The following ATXN1 variants were observed in gnomAD, a reference collection of about 807,000 sequenced individuals.
The protein encoded by ATXN1 is ataxin-1.
ATXN1 carries 8 observed loss-of-function variants against 56.4 expected under a neutral mutation model. The observed-to-expected ratio is 0.14, with a 90% CI of 0.08 to 0.26. ATXN1 has a LOEUF of 0.26. ATXN1 is among the 10% of genes least tolerant of loss of function. The probability of loss-of-function intolerance (pLI) is 1.00; values close to 1 mark genes in which losing one functional copy is unlikely to be tolerated. For synonymous variants in ATXN1, 514 were observed against 494.6 expected, an observed-to-expected ratio of 1.04 and a Z score of -0.52; for missense variants, 987 against 1,106.5, an observed-to-expected ratio of 0.89 and a Z score of 1.53.
chr6:16,590,045 G>A (rs1247831816), intron 3 of ATXN1, among the ~76,000 whole-genome samples: 3 of 152,094 alleles, frequency 2.0e-5, no homozygotes, highest in Non-Finnish European at 2.9e-5. Flanking sequence ...TAAACATTGA[G>A]CTGACGTAAT....
intron 6 of ATXN1, chr6:16,485,183 C>G (rs896145114): frequency 6.6e-6 from 1 of 152,096 alleles, no homozygotes; most frequent in African/African-American, 2.4e-5. Flanking sequence ...TATTTTCTTT[C>G]CTGGTCAAAA....
chr6:16,315,437 T>C (rs1760486981), intron 7 of ATXN1, among the ~76,000 whole-genome samples: 1 of 152,190 alleles, frequency 6.6e-6, no homozygotes, highest in Non-Finnish European at 1.5e-5. Flanking sequence ...GGTCACCACA[T>C]GCAAGCCTGA....
At chr6:16,537,027 A>C (rs1220995700) in intron 4 of ATXN1, among the ~76,000 whole-genome samples, 2 of 149,424 alleles carry the variant, frequency 1.3e-5, no homozygotes, top group African/African-American at 5.0e-5. Flanking sequence ...ACTTGGCCTT[A>C]GGAAATGTAA....
chr6:16,739,026 G>A (rs1026464529), intron 2 of ATXN1: 12 of 151,922 alleles, frequency 7.9e-5, no homozygotes, highest in African/African-American at 2.9e-4. Flanking sequence ...CATTCCATGG[G>A]CTGAACTCCC....
At chr6:16,638,157 C>T (rs1417143147) in intron 3 of ATXN1, among the ~76,000 whole-genome samples, 1 of 151,904 alleles carries the variant, frequency 6.6e-6, no homozygotes, top group Admixed American at 6.6e-5. Flanking sequence ...AAGAAAAGAT[C>T]TCAAAGGCCA....
At chr6:16,437,973 G>A (rs1759428536) in intron 6 of ATXN1, among the ~76,000 whole-genome samples, 1 of 152,154 alleles carries the variant, frequency 6.6e-6, no homozygotes, top group Non-Finnish European at 1.5e-5. Context: ...ACTTCTGGTC[G>A]GGACTTCTTA....
intron 7 of ATXN1, among the ~76,000 whole-genome samples, chr6:16,325,106 T>C (rs1760771340): frequency 7.1e-6 from 1 of 141,320 alleles, no homozygotes; most frequent in South Asian, 2.2e-4. Flanking sequence ...CACTTAGGGC[T>C]GCCTTCCATC....
intron 3 of ATXN1, among the ~76,000 whole-genome samples, chr6:16,611,853 T>TA (rs1165973054): frequency 9.2e-5 from 10 of 108,140 alleles, no homozygotes; most frequent in Non-Finnish European, 1.8e-5. Context: ...GATGAAATTT[T>TA]TTTTTTTTTT....
At chr6:16,640,620 T>A (rs1763691302) in intron 3 of ATXN1, among the ~76,000 whole-genome samples, 1 of 151,644 alleles carries the variant, frequency 6.6e-6, no homozygotes, top group African/African-American at 2.4e-5. Context: ...GAGGCGGAGC[T>A]TGCAGTAAGC....
In ATXN1 at chr6:16,563,562, G is replaced by C. The variant is rs79814073; in HGVS notation, c.-361+22218C>G. Among the ~76,000 whole-genome samples, 275 of 152,258 alleles carry C rather than the reference G, an allele frequency of 1.8e-3. 1 individual carries two copies. Among genetic ancestry groups the C allele is most frequent in the African/African-American group, 6.4e-3 (265 of 41,552 alleles). ...GGAGACAACTGAGTTCTGAGGAAGA[G>C]AGGGAAAGCAAGGGGGTCAGGAGGC... On this transcript the variant is annotated intron_variant, in intron 4 of 7. Transcript: ENST00000436367.
chr6:16,373,057 C>T (rs908221597), intron 6 of ATXN1, among the ~76,000 whole-genome samples: 4 of 152,152 alleles, frequency 2.6e-5, no homozygotes, highest in Non-Finnish European at 5.9e-5. Flanking sequence ...GAACAAGAGG[C>T]CCAAGTGGAG....
At chr6:16,623,957 G>C (rs1763363255) in intron 3 of ATXN1, among the ~76,000 whole-genome samples, 1 of 152,226 alleles carries the variant, frequency 6.6e-6, no homozygotes, top group South Asian at 2.1e-4. Context: ...ATCTAGAGTA[G>C]ACATTGTCAT....
rs748314030 is a variant in ATXN1, at chr6:16,395,270, C to CAAAA, written c.-160-66804_-160-66801dup. The stretch of plus-strand genomic sequence containing the variant: ...GGCCAACAAGAGCGAAACTCCGTCT[C>CAAAA]AAAAAAAAAAAAAAAAAAAAACAAG... On this transcript the variant is annotated intron_variant, in intron 6 of 7. Coordinates refer to ENST00000436367, the MANE Select transcript of ATXN1 (RefSeq NM_001128164.2). Among the ~76,000 whole-genome samples the CAAAA allele has an allele frequency of 5.4e-3, 262 of 48,396 alleles. 10 individuals carry two copies. Among genetic ancestry groups the CAAAA allele is most frequent in the African/African-American group, 0.021 (237 of 11,034 alleles). 31.7% of individuals were successfully genotyped at this position (48,396 alleles called of 152,430 possible).
intron 7 of ATXN1, among the ~76,000 whole-genome samples, chr6:16,312,817 C>T (rs58082907): frequency 6.6e-6 from 1 of 152,008 alleles, no homozygotes; most frequent in Non-Finnish European, 1.5e-5. Context: ...TCGTCTCCCC[C>T]CATACCCCCC....
chr6:16,732,329 A>C (rs993499958), intron 2 of ATXN1, among the ~76,000 whole-genome samples: 22 of 152,014 alleles, frequency 1.4e-4, no homozygotes, highest in Admixed American at 1.4e-3. Flanking sequence ...CCAGCACTTT[A>C]GGAGGCCGAG....
chr6:16,651,413 G>T (rs1422775332), intron 3 of ATXN1, among the ~76,000 whole-genome samples: 1 of 152,034 alleles, frequency 6.6e-6, no homozygotes, highest in Admixed American at 6.6e-5. Flanking sequence ...GTGTGGTGGT[G>T]CGCACCTGTA....
chr6:16,497,985 G>A (rs866879419), intron 5 of ATXN1, among the ~76,000 whole-genome samples: 2 of 152,172 alleles, frequency 1.3e-5, no homozygotes, highest in South Asian at 4.1e-4. Flanking sequence ...ATTTTTTAAT[G>A]AAGATAAAAT....
At chr6:16,698,876 G>A (rs1338790502) in intron 2 of ATXN1, among the ~76,000 whole-genome samples, 3 of 152,108 alleles carry the variant, frequency 2.0e-5, no homozygotes, top group Non-Finnish European at 2.9e-5. Context: ...AAAATTCTAC[G>A]ATTGTCCGTC....
At position 16,490,350 on chromosome 6, in the gene ATXN1, C is replaced by T. The variant is rs922861117; in HGVS notation, c.-298-4241G>A. Among the ~76,000 whole-genome samples the T allele has an allele frequency of 3.3e-5, 5 of 152,204 alleles. No homozygotes were observed. The East Asian group carries it at 9.6e-4, about 29-fold the overall frequency. ...CTCACACTCCAAGCATACTCAGTCA[C>T]TGCTATTCCTAAAAGAATTTATCCA... On this transcript the variant is annotated intron_variant, in intron 5 of 7. Coordinates refer to ENST00000436367, the MANE Select transcript of ATXN1 (RefSeq NM_001128164.2).
Sources: allele counts gnomAD v4.1 joint callset (sites outside exome capture counted in the v4.1 genomes callset), GRCh38; gene constraint gnomAD v4.1.1; transcripts MANE v1.5; gene names NCBI Gene and HGNC (gene_info 2026-07-23, HGNC 2026-07-21).